AXDND1: variants seen among roughly 807,000 people sequenced by gnomAD.
The protein encoded by AXDND1 is axonemal dynein light chain domain-containing protein 1.
A neutral mutation model predicts 137.5 loss-of-function variants in AXDND1; 110 were observed. The observed-to-expected ratio is 0.80, with a 90% CI of 0.69 to 0.94. The LOEUF (loss-of-function observed/expected upper bound fraction) is 0.94, where lower values mean the gene tolerates loss of function less well. Ranked by LOEUF, AXDND1 falls within the 40% of genes least tolerant of loss-of-function variation. The probability of loss-of-function intolerance (pLI) is 0.00; values close to 1 mark genes in which losing one functional copy is unlikely to be tolerated. For missense variants in AXDND1, 1,191 were observed against 1,169.8 expected (o/e 1.02, Z -0.26); for synonymous variants, 414 against 399.7 (o/e 1.04, Z -0.43).
intron 20 of AXDND1, among the ~76,000 whole-genome samples, chr1:179,493,851 T>C (rs879814887): frequency 6.6e-5 from 10 of 152,218 alleles, no homozygotes; most frequent in Non-Finnish European, 1.3e-4. Flanking sequence ...ATATGATATA[T>C]CAATTTCTTA....
chr1:179,404,464 C>T (rs1256362950), intron 11 of AXDND1, among the ~76,000 whole-genome samples: 1 of 144,894 alleles, frequency 6.9e-6, no homozygotes, highest in Non-Finnish European at 1.5e-5. Flanking sequence ...TCAGGTGATC[C>T]CTCTGCCTCG....
At chr1:179,390,549 T>G (rs1303565124) in intron 9 of AXDND1, among the ~76,000 whole-genome samples, 2 of 152,222 alleles carry the variant, frequency 1.3e-5, no homozygotes, top group Non-Finnish European at 2.9e-5. Context: ...CGTTAAGTCA[T>G]GCTGTTAGAT....
chr1:179,537,774 C>G (rs1009904105), intron 25 of AXDND1, among the ~76,000 whole-genome samples: 3 of 152,096 alleles, frequency 2.0e-5, no homozygotes, highest in South Asian at 4.2e-4. Context: ...ATGGTACCTG[C>G]TCCTCTTTGT....
In AXDND1 at chr1:179,377,280, T is replaced by G. The variant is rs1406884337; in HGVS notation, c.375-1357T>G. On this transcript the variant is annotated intron_variant, in intron 4 of 25. Coordinates refer to ENST00000367618, the MANE Select transcript of AXDND1 (RefSeq NM_144696.6). ...TGTCATTCTTCACCACTAGAATCAG[T>G]TCCATGAGGGTAGGAACTTTTTATT... Among the ~76,000 whole-genome samples, 4 of 152,212 alleles carry G rather than the reference T, an allele frequency of 2.6e-5. No homozygotes were observed. The East Asian group carries it at 7.7e-4, about 29-fold the overall frequency.
chr1:179,461,019 G>T (rs950564534), intron 16 of AXDND1, among the ~76,000 whole-genome samples: 2 of 152,050 alleles, frequency 1.3e-5, no homozygotes, highest in African/African-American at 2.4e-5. Context: ...CACTCTGATG[G>T]TAGTTTCTTT....
rs112360080 is a variant in AXDND1 at position 179,383,399 on chromosome 1, G to A, written c.639-43G>A. On this transcript the variant is annotated intron_variant, in intron 7 of 25. Transcript: ENST00000367618. ...TCTTTTTGCCATTTGAGAATTCCCT[G>A]TTGCAATGTTAATTGCATAAGTCTG... 3.8e-3 allele frequency: 5,386 copies of A among 1,400,656 alleles called. 116 individuals are homozygous for A. The African/African-American group carries it at 0.06, about 16-fold the overall frequency. The allele number at this position is 1,400,656 out of a possible 1,614,324, so 86.8% of individuals were successfully genotyped here.
At chr1:179,366,920 T>G (rs534334515) in intron 2 of AXDND1, among the ~76,000 whole-genome samples, 2 of 152,312 alleles carry the variant, frequency 1.3e-5, no homozygotes, top group African/African-American at 4.8e-5. Flanking sequence ...TAAGGAACTT[T>G]GGAAAAAGTA....
chr1:179,401,278 A>G lies in AXDND1; in HGVS notation c.1109+6076A>G, dbSNP rs1571657705. On this transcript the variant is annotated intron_variant, in intron 11 of 25. Coordinates refer to ENST00000367618, the MANE Select transcript of AXDND1 (RefSeq NM_144696.6). ...CATCTCAAAAAAAAAAAAAAAAAAAAGAACGTCTGCCTATTTCAGTAAATT... is the reference window on the plus strand; with the variant it reads ...CATCTCAAAAAAAAAAAAAAAAAAAGGAACGTCTGCCTATTTCAGTAAATT... 2.7e-5 allele frequency among the ~76,000 whole-genome samples: 4 copies of G among 149,698 alleles called. No individual in the cohort carries two copies. In the South Asian group the frequency reaches 6.4e-4, roughly 24 times the overall value.
At chr1:179,543,551 A>G (rs183907045) in intron 25 of AXDND1, 9 of 152,242 alleles carry the variant, frequency 5.9e-5, no homozygotes, top group African/African-American at 2.2e-4. Context: ...GAGCCTGGAA[A>G]GAAAGGGTTG....
Position 179,448,035 on chromosome 1 carries a change from C to A in AXDND1, c.1798+2831C>A. ...GGCTTTTCACTGGAACTGTGACAGA[C>A]ATTGAAAAATTCTGAGGTGGCAAAC... On this transcript the variant is annotated intron_variant, in intron 16 of 25. Coordinates refer to ENST00000367618, the MANE Select transcript of AXDND1 (RefSeq NM_144696.6). The A allele has an allele frequency of 4.4e-6, 6 of 1,350,856 alleles. No homozygotes were observed. In the South Asian group the frequency reaches 6.0e-5, roughly 13 times the overall value. The allele number at this position is 1,350,856 out of a possible 1,614,324, so 83.7% of individuals were successfully genotyped here. A position where few individuals can be genotyped will look rare whatever the true frequency, so the allele number is the denominator to read the frequency against.
chr1:179,446,211 A>G (rs1319507405), intron 16 of AXDND1, among the ~76,000 whole-genome samples: 1 of 152,170 alleles, frequency 6.6e-6, no homozygotes, highest in Non-Finnish European at 1.5e-5. Context: ...TAACATGTAT[A>G]GAAAGAAAAG....
intron 17 of AXDND1, among the ~76,000 whole-genome samples, chr1:179,470,701 A>G (rs1663812090): frequency 6.6e-6 from 1 of 152,014 alleles, no homozygotes; most frequent in Non-Finnish European, 1.5e-5. Context: ...AGTATTTTCT[A>G]TACAAAAGAT....
intron 16 of AXDND1, chr1:179,457,127 G>A: frequency 1.0e-6 from 1 of 995,790 alleles, no homozygotes. Context: ...ATTCATGGCT[G>A]CATCCACCTT....
At chr1:179,406,746 T>C (rs979441100) in intron 11 of AXDND1, among the ~76,000 whole-genome samples, 2 of 152,180 alleles carry the variant, frequency 1.3e-5, no homozygotes, top group Admixed American at 6.5e-5. Flanking sequence ...ATATATGTTT[T>C]CGCAAGTGAA....
intron 22 of AXDND1, among the ~76,000 whole-genome samples, chr1:179,526,588 A>C (rs1268493784): frequency 1.3e-5 from 2 of 152,120 alleles, no homozygotes; most frequent in Non-Finnish European, 2.9e-5. Flanking sequence ...TCTTTGATAT[A>C]TTTCTTCTCT....
intron 19 of AXDND1, among the ~76,000 whole-genome samples, chr1:179,492,506 T>C (rs1213164861): frequency 6.6e-6 from 1 of 151,876 alleles, no homozygotes; most frequent in Non-Finnish European, 1.5e-5. Flanking sequence ...TGAATAAAGA[T>C]GAAGTCTGGA....
chr1:179,496,706 T>C (rs939642834), intron 20 of AXDND1, among the ~76,000 whole-genome samples: 5 of 151,986 alleles, frequency 3.3e-5, no homozygotes, highest in Non-Finnish European at 7.4e-5. Context: ...TAATTTCCAG[T>C]CTAGTCTTTA....
At chr1:179,493,335 A>G (rs1667124338) in intron 20 of AXDND1, among the ~76,000 whole-genome samples, 1 of 152,182 alleles carries the variant, frequency 6.6e-6, no homozygotes, top group African/African-American at 2.4e-5. Flanking sequence ...GCTTTTATCA[A>G]CCACTTATGC....
At chr1:179,403,317 A>G (rs867178344) in intron 11 of AXDND1, among the ~76,000 whole-genome samples, 1 of 152,192 alleles carries the variant, frequency 6.6e-6, no homozygotes, top group East Asian at 1.9e-4. Context: ...ATGGTGGGTA[A>G]CTACAACTGC....
Sources: gnomAD v4.1 joint callset for allele counts (sites outside exome capture counted in the v4.1 genomes callset) on GRCh38, gnomAD v4.1.1 for gene constraint, MANE v1.5 for transcripts, NCBI Gene and HGNC (gene_info 2026-07-23, HGNC 2026-07-21) for gene names.